DLGAP2: variants seen among roughly 807,000 people sequenced by gnomAD.
DLGAP2 encodes disks large-associated protein 2.
A neutral mutation model predicts 100.3 loss-of-function variants in DLGAP2; 26 were observed. That is an observed-to-expected ratio of 0.26 (90% CI 0.19 to 0.36). The LOEUF is 0.36. DLGAP2 is among the 10% of genes least tolerant of loss of function. The pLI, the probability that DLGAP2 is intolerant of heterozygous loss-of-function variation, is 1.00. For synonymous variants in DLGAP2, 886 were observed against 630.1 expected, an observed-to-expected ratio of 1.41 and a Z score of -6.08; for missense variants, 1,858 against 1,453.2, an observed-to-expected ratio of 1.28 and a Z score of -4.53.
intron 3 of DLGAP2, among the ~76,000 whole-genome samples, chr8:1,458,050 A>T (rs1484617811): frequency 1.4e-5 from 2 of 145,838 alleles, no homozygotes; most frequent in African/African-American, 5.0e-5. Context: ...TTATATATAT[A>T]TATATGTATA....
At chr8:1,371,117 C>G (rs557540809) in intron 3 of DLGAP2, among the ~76,000 whole-genome samples, 1 of 152,336 alleles carries the variant, frequency 6.6e-6, no homozygotes, top group African/African-American at 2.4e-5. Flanking sequence ...ATGTTTCTTG[C>G]CTCCCAGATG....
intron 5 of DLGAP2, among the ~76,000 whole-genome samples, 197 bp downstream of exon 5, chr8:1,549,880 G>A (rs967365033): frequency 6.6e-6 from 1 of 152,178 alleles, no homozygotes; most frequent in Non-Finnish European, 1.5e-5. Flanking sequence ...AATTTTTTTG[G>A]TGGGAGCACT....
intron 2 of DLGAP2, among the ~76,000 whole-genome samples, chr8:1,042,322 G>C (rs1019101132): frequency 6.6e-6 from 1 of 152,190 alleles, no homozygotes; most frequent in African/African-American, 2.4e-5. Context: ...AATCAACAAC[G>C]TGCCTAGTAC....
intron 3 of DLGAP2, among the ~76,000 whole-genome samples, chr8:1,344,381 C>T (rs906912590): frequency 5.9e-5 from 9 of 152,190 alleles, no homozygotes; most frequent in Non-Finnish European, 1.3e-4. Flanking sequence ...TGTGAATCCT[C>T]CAGAGAGGTC....
intron 1 of DLGAP2, among the ~76,000 whole-genome samples, chr8:881,404 A>G (rs7820282): frequency 0.45 from 68,348 of 151,748 alleles, 15,871 homozygotes; most frequent in African/African-American, 0.58. Context: ...TGTTTTGGAA[A>G]CAAAATTACA....
chr8:1,304,375 A>G (rs748501883), intron 3 of DLGAP2, among the ~76,000 whole-genome samples: 1 of 152,252 alleles, frequency 6.6e-6, no homozygotes, highest in Non-Finnish European at 1.5e-5. Flanking sequence ...TGGAACGAGG[A>G]GGAATTTCAA....
chr8:1,441,063 G>A (rs947397722), intron 3 of DLGAP2, among the ~76,000 whole-genome samples: 6 of 152,308 alleles, frequency 3.9e-5, no homozygotes, highest in African/African-American at 1.2e-4. Flanking sequence ...CAGAAAAGAT[G>A]CTGAAGGGAA....
chr8:1,468,639 C>T (rs1373423672), intron 3 of DLGAP2, among the ~76,000 whole-genome samples: 1 of 152,194 alleles, frequency 6.6e-6, no homozygotes, highest in African/African-American at 2.4e-5. Flanking sequence ...TGCTTTGGGG[C>T]CAGTGCATTC....
chr8:1,204,174 G>A (rs919172530), intron 2 of DLGAP2, among the ~76,000 whole-genome samples: 1 of 152,162 alleles, frequency 6.6e-6, no homozygotes, highest in Non-Finnish European at 1.5e-5. Flanking sequence ...GTAGTGAGGG[G>A]GTAAGTCACA....
intron 2 of DLGAP2, among the ~76,000 whole-genome samples, chr8:1,240,552 T>TGTCTAGTTCTCTCACATGGCGCC (rs1798765276): frequency 8.4e-6 from 1 of 118,912 alleles, no homozygotes; most frequent in African/African-American, 3.1e-5. Context: ...CACATGGCGC[T>TGTCTAGTTCTCTCACATGGCGCC]GTGTCTAGTT....
intron 1 of DLGAP2, among the ~76,000 whole-genome samples, chr8:770,237 G>T (rs6559180): frequency 0.76 from 115,840 of 152,022 alleles, 44,388 homozygotes; most frequent in Middle Eastern, 0.85. Context: ...TGCTCATCTC[G>T]TCAGGGGTGA....
In DLGAP2 at chr8:1,157,283, G is replaced by C. The variant is rs147449746; in HGVS notation, c.74-101568G>C. On this transcript the variant is annotated intron_variant, in intron 2 of 14. Transcript: ENST00000637795. ...GGATGTCCTCTCGTGGCACAGATGC[G>C]GGCTGTGATGTTCAGAGATGGCCTG... 7.1e-3 allele frequency among the ~76,000 whole-genome samples: 1,081 copies of C among 152,210 alleles called. 5 individuals carry two copies. Among genetic ancestry groups the C allele is most frequent in the Middle Eastern group, 0.014 (4 of 294 alleles).
At chr8:786,576 C>G (rs1039764992) in intron 1 of DLGAP2, among the ~76,000 whole-genome samples, 1 of 152,098 alleles carries the variant, frequency 6.6e-6, no homozygotes, top group African/African-American at 2.4e-5. Context: ...CCTGAGCGCA[C>G]TACGCACAGT....
intron 2 of DLGAP2, among the ~76,000 whole-genome samples, chr8:1,093,950 C>T (rs1804279604): frequency 7.1e-6 from 1 of 141,036 alleles, no homozygotes; most frequent in African/African-American, 2.6e-5. Context: ...TGTGCAGGTG[C>T]TTGTGGATGG....
intron 2 of DLGAP2, among the ~76,000 whole-genome samples, chr8:1,240,686 ATGTCTGGTTCTCTCACATGG>A (rs1329386774): frequency 4.2e-4 from 57 of 135,578 alleles, no homozygotes; most frequent in Middle Eastern, 3.8e-3. Flanking sequence ...ACATGGCGCC[ATGTCTGGTTCTCTCACATGG>A]TGACGTGTCT....
chr8:850,596 C>A (rs1025575811), intron 1 of DLGAP2, among the ~76,000 whole-genome samples: 2 of 152,126 alleles, frequency 1.3e-5, no homozygotes, highest in Non-Finnish European at 2.9e-5. Context: ...GAGGCTGTTG[C>A]TTGAATAGCC....
chr8:1,546,943 C>T (rs773108625), intron 4 of DLGAP2, among the ~76,000 whole-genome samples: 1 of 152,118 alleles, frequency 6.6e-6, no homozygotes, highest in African/African-American at 2.4e-5. Context: ...GAGGAGACGG[C>T]CACGCTCAGC....
chr8:1,138,230 G>T (rs1046892435), intron 2 of DLGAP2, among the ~76,000 whole-genome samples: 5 of 152,206 alleles, frequency 3.3e-5, no homozygotes, highest in African/African-American at 9.6e-5. Context: ...AATGCTCCCT[G>T]AGTCCCCTGT....
intron 3 of DLGAP2, among the ~76,000 whole-genome samples, chr8:1,478,151 G>T (rs1368706061): frequency 2.0e-5 from 3 of 152,160 alleles, no homozygotes; most frequent in African/African-American, 7.2e-5. Flanking sequence ...TTTTAAATCT[G>T]GGTGTCTGTC....
Sources: allele counts gnomAD v4.1 joint callset (sites outside exome capture counted in the v4.1 genomes callset), GRCh38; gene constraint gnomAD v4.1.1; transcripts MANE v1.5; gene names NCBI Gene and HGNC (gene_info 2026-07-23, HGNC 2026-07-21).